Variants in NREP observed in about 807,000 individuals in gnomAD.
NREP encodes neuronal regeneration-related protein.
In NREP, 5 loss-of-function variants were observed where a neutral mutation model predicts 8.6. That is an observed-to-expected ratio of 0.58 (90% CI 0.30 to 1.22). The LOEUF (loss-of-function observed/expected upper bound fraction) is 1.22, where lower values mean the gene tolerates loss of function less well. Ranked by LOEUF, NREP falls within the 50% of genes most tolerant of loss-of-function variation. The probability of loss-of-function intolerance (pLI) is 0.07; values close to 1 mark genes in which losing one functional copy is unlikely to be tolerated. For synonymous variants in NREP, 27 were observed against 28.0 expected, an observed-to-expected ratio of 0.96 and a Z score of 0.11; for missense variants, 86 against 82.5, an observed-to-expected ratio of 1.04 and a Z score of -0.17.
At chr5:111,871,422 T>A (rs1242503485) in intron 2 of NREP, among the ~76,000 whole-genome samples, 1 of 152,146 alleles carries the variant, frequency 6.6e-6, no homozygotes, top group Non-Finnish European at 1.5e-5. Flanking sequence ...GGTGAGTCAG[T>A]GAGTGAGTGG....
At chr5:111,804,982 C>T (rs1463108485) in intron 2 of NREP, among the ~76,000 whole-genome samples, 1 of 146,702 alleles carries the variant, frequency 6.8e-6, no homozygotes, top group African/African-American at 2.6e-5. Context: ...GCCTGGGCGA[C>T]AGAGCGAGAC....
chr5:111,749,260 A>T (rs1750205171), intron 2 of NREP, among the ~76,000 whole-genome samples: 1 of 152,166 alleles, frequency 6.6e-6, no homozygotes, highest in African/African-American at 2.4e-5. Context: ...AGAAGGCATA[A>T]AGAATTCAAG....
rs1287902177 is a variant in NREP, at chr5:111,830,959, TC to T, written c.136-95453del. Among the ~76,000 whole-genome samples, 25 of 152,326 alleles carry T rather than the reference TC, an allele frequency of 1.6e-4. No individual in the cohort carries two copies. In the East Asian group the frequency reaches 4.8e-3, roughly 29 times the overall value. ...AATTGATGTGTTATTTACTTGTACT[TC>T]CCTGTTCCATAAGTGATGGAAGGAA... On this transcript the variant is annotated intron_variant, in intron 2 of 3. Coordinates refer to the NREP transcript ENST00000395634.
chr5:111,846,603 A>C (rs1581162331), intron 2 of NREP: 1 of 151,456 alleles, frequency 6.6e-6, no homozygotes, highest in African/African-American at 2.4e-5. Context: ...GGCTGCCTGG[A>C]TACTGCTGGT....
intron 2 of NREP, among the ~76,000 whole-genome samples, chr5:111,790,448 T>C (rs1332892743): frequency 7.3e-6 from 1 of 137,080 alleles, no homozygotes; most frequent in Non-Finnish European, 1.5e-5. Flanking sequence ...AGAAAAAGTA[T>C]ACATAGGTAT....
At chr5:111,920,801 A>G (rs1025378092) in intron 2 of NREP, among the ~76,000 whole-genome samples, 2 of 152,154 alleles carry the variant, frequency 1.3e-5, no homozygotes, top group Non-Finnish European at 2.9e-5. Flanking sequence ...AGAACACTAC[A>G]AAGTGGATGT....
rs187998350 is a variant in NREP, at chr5:111,932,767, C to T, written c.135+42507G>A. Among the ~76,000 whole-genome samples the T allele has an allele frequency of 1.0e-3, 154 of 152,168 alleles. 1 individual carries two copies. The highest frequency in any genetic ancestry group is 6.8e-3 in the Middle Eastern group (2 of 294). On this transcript the variant is annotated intron_variant, in intron 2 of 3. Transcript: ENST00000395634. ...CTGCCAACTAAAAGGTCACGTAATTCACCTATGATTCATACTGCCGCGGAA... is the reference window on the plus strand; with the variant it reads ...CTGCCAACTAAAAGGTCACGTAATTTACCTATGATTCATACTGCCGCGGAA...
chr5:111,825,834 C>G (rs984249903), intron 2 of NREP, among the ~76,000 whole-genome samples: 8 of 152,106 alleles, frequency 5.3e-5, no homozygotes, highest in African/African-American at 1.9e-4. Flanking sequence ...GAGGCCATAG[C>G]TTAAAGTTTC....
intron 2 of NREP, among the ~76,000 whole-genome samples, chr5:111,752,189 G>A (rs1561647774): frequency 6.6e-6 from 1 of 152,156 alleles, no homozygotes; most frequent in Admixed American, 6.5e-5. Context: ...TTAAAGAACT[G>A]TATCAGGTTA....
At chr5:111,947,347 T>C (rs1756017364) in intron 2 of NREP, among the ~76,000 whole-genome samples, 1 of 152,008 alleles carries the variant, frequency 6.6e-6, no homozygotes, top group African/African-American at 2.4e-5. Flanking sequence ...AAATTATCTA[T>C]CTTAGTACTA....
At chr5:111,772,492 T>C (rs1581106053) in intron 2 of NREP, among the ~76,000 whole-genome samples, 1 of 151,894 alleles carries the variant, frequency 6.6e-6, no homozygotes, top group Non-Finnish European at 1.5e-5. Flanking sequence ...TTTCCGAAAG[T>C]CTGGAGGTTC....
At chr5:111,785,529 C>T (rs969531075) in intron 2 of NREP, among the ~76,000 whole-genome samples, 2 of 152,134 alleles carry the variant, frequency 1.3e-5, no homozygotes, top group East Asian at 1.9e-4. Flanking sequence ...CTGCCTGCCT[C>T]GGCCTCCCAA....
At chr5:111,793,302 A>G (rs1223579677) in intron 2 of NREP, among the ~76,000 whole-genome samples, 1 of 152,184 alleles carries the variant, frequency 6.6e-6, no homozygotes, top group East Asian at 1.9e-4. Context: ...ACAACACGCC[A>G]TCTGCAAGCT....
intron 1 of NREP, chr5:111,976,635 A>T: frequency 7.8e-7 from 1 of 1,288,948 alleles, no homozygotes; most frequent in Non-Finnish European, 1.1e-6. Flanking sequence ...AGGCAGAGAC[A>T]AACATCCTAT....
chr5:111,935,799 A>G (rs17133895), intron 2 of NREP, among the ~76,000 whole-genome samples: 2,620 of 152,174 alleles, frequency 0.017, 40 homozygotes, highest in African/African-American at 0.04. Flanking sequence ...CCCAGGCTTT[A>G]GTACCACACC....
At chr5:111,875,848 G>C (rs1319772012) in intron 2 of NREP, among the ~76,000 whole-genome samples, 2 of 152,142 alleles carry the variant, frequency 1.3e-5, no homozygotes, top group African/African-American at 4.8e-5. Flanking sequence ...GAGGTTAAGA[G>C]CAGAAATTTA....
chr5:111,744,086 A>C (rs2112822212), intron 2 of NREP, among the ~76,000 whole-genome samples: 1 of 152,266 alleles, frequency 6.6e-6, no homozygotes, highest in Admixed American at 6.5e-5. Flanking sequence ...GCGATTTCAA[A>C]GCATTCCTCT....
chr5:111,792,156 T>G (rs76740723), intron 2 of NREP, among the ~76,000 whole-genome samples: 2,135 of 152,304 alleles, frequency 0.014, 60 homozygotes, highest in African/African-American at 0.049. Context: ...AATAAGAAAT[T>G]CACATATAAT....
At chr5:111,874,840 G>C (rs901582499) in intron 2 of NREP, among the ~76,000 whole-genome samples, 1 of 152,092 alleles carries the variant, frequency 6.6e-6, no homozygotes, top group Admixed American at 6.6e-5. Context: ...GAACTAAATA[G>C]GATGATTCAG....
Sources: allele counts gnomAD v4.1 joint callset (sites outside exome capture counted in the v4.1 genomes callset), GRCh38; gene constraint gnomAD v4.1.1; transcripts MANE v1.5; gene names NCBI Gene and HGNC (gene_info 2026-07-23, HGNC 2026-07-21).